TAC1: variants seen among roughly 807,000 people sequenced by gnomAD.
TAC1 encodes the protein tachykinin precursor 1.
A neutral mutation model predicts 21.7 loss-of-function variants in TAC1; 12 were observed. That is an observed-to-expected ratio of 0.55 (90% CI 0.35 to 0.89). The LOEUF is 0.89. TAC1 is among the 40% of genes least tolerant of loss of function. The pLI, the probability that TAC1 is intolerant of heterozygous loss-of-function variation, is 0.01. For synonymous variants in TAC1, 52 were observed against 52.0 expected (o/e 1.00, Z 0.00); for missense variants, 128 against 151.4 (o/e 0.85, Z 0.81).
chr7:97,738,027 CAT>C (rs887134087), intron 6 of TAC1, among the ~76,000 whole-genome samples: 182 of 151,938 alleles, frequency 1.2e-3, no homozygotes, highest in African/African-American at 4.2e-3. Context: ...AAAATAATAA[CAT>C]AATTTTAAGT....
At position 97,732,489 on chromosome 7, in the gene TAC1, ATC is replaced by A. The variant is rs1789457616; in HGVS notation, c.-9-113_-9-112del. The A allele has an allele frequency of 4.8e-6, 6 of 1,245,198 alleles. No homozygotes were observed. The highest frequency in any genetic ancestry group is 6.8e-6 in the Non-Finnish European group (6 of 881,468). The allele number at this position is 1,245,198 out of a possible 1,614,324, so 77.1% of individuals were successfully genotyped here. A position where few individuals can be genotyped will look rare whatever the true frequency, so the allele number is the denominator to read the frequency against. ...TGAGACTTCAGTCCTTATGTTTTTG[ATC>A]TTGGTTCATCCGTTGTGGGGCAGAA... On this transcript the variant is annotated intron_variant, in intron 1 of 6. Coordinates refer to ENST00000319273, the MANE Select transcript of TAC1 (RefSeq NM_003182.3). The surrounding 1 kb of genome is among the most constrained non-coding windows in gnomAD (Gnocchi z 6.2).
At chr7:97,734,401 T>A in intron 4 of TAC1, 109 bp downstream of exon 4, 1 of 945,358 alleles carries the variant, frequency 1.1e-6, no homozygotes, top group South Asian at 1.5e-5. Context: ...GCCTGTTTAA[T>A]AAAGAGATGG....
chr7:97,736,114 T>C (rs1789569627), intron 5 of TAC1, among the ~76,000 whole-genome samples, 185 bp from the exon 6 acceptor site: 1 of 152,052 alleles, frequency 6.6e-6, no homozygotes, highest in East Asian at 1.9e-4. Flanking sequence ...GTGGTTTCAT[T>C]GTATTGTTTT....
chr7:97,734,845 C>T lies in TAC1; in HGVS notation c.285C>T (p.His95=), dbSNP rs1789546722. The T allele has an allele frequency of 1.3e-6, 2 of 1,592,746 alleles. No individual in the cohort carries two copies. Among genetic ancestry groups the T allele is most frequent in the Non-Finnish European group, 1.7e-6 (2 of 1,164,360 alleles). The change falls in exon 5 of 7, where the codon CAC becomes CAT. Residue 95 remains histidine, a synonymous_variant. Transcript: ENST00000319273. ...TTCTAGGACATGGCCAGATCTCTCA[C>T]AAAAGTAAGTTCAAAATTATTTTGA... ...KALYGHGQIS[H]KRHKTDSFVG... is the part of the protein sequence containing the mutation.
chr7:97,739,366 C>CT (rs1243066010), intron 6 of TAC1, among the ~76,000 whole-genome samples: 1 of 151,952 alleles, frequency 6.6e-6, no homozygotes, highest in Non-Finnish European at 1.5e-5. Context: ...CTACCCAAAT[C>CT]TGTTATTTTA....
At position 97,732,785 on chromosome 7, in the gene TAC1, G is replaced by C; in HGVS notation, c.123+50G>C. On this transcript the variant is annotated intron_variant, in intron 2 of 6. Coordinates refer to ENST00000319273, the MANE Select transcript of TAC1 (RefSeq NM_003182.3). The surrounding 1 kb of genome is among the most constrained non-coding windows in gnomAD (Gnocchi z 6.2). ...CGCACCCTTCTTCCTGGGCTCGGGAGCTGTCACCTTCCCACGCAACAGCAC... is the reference window on the plus strand; with the variant it reads ...CGCACCCTTCTTCCTGGGCTCGGGACCTGTCACCTTCCCACGCAACAGCAC... 6.3e-7 allele frequency: 1 copy of C among 1,588,476 alleles called. No homozygotes were observed.
At chr7:97,734,882 T>C (rs764590372) in intron 5 of TAC1, 33 bp downstream of exon 5, 1 of 1,504,802 alleles carries the variant, frequency 6.6e-7, no homozygotes, top group Non-Finnish European at 9.2e-7. Flanking sequence ...ATTTATCAAA[T>C]TTAAATGTAA....
In TAC1 at chr7:97,732,744, C is replaced by G. The variant is rs202015230; in HGVS notation, c.123+9C>G. On this transcript the variant is annotated intron_variant, in intron 2 of 6. Coordinates refer to ENST00000319273, the MANE Select transcript of TAC1 (RefSeq NM_003182.3). This position sits in a 1 kb window ranked among gnomAD's most constrained non-coding sequence, Gnocchi z 6.2. Reference sequence around the variant, plus strand: ...ACAGCGACCAGATCAAGGTGAGGCCCCTTCCCAGGACGGCCCGCACCCTTC... The same window carrying G: ...ACAGCGACCAGATCAAGGTGAGGCCGCTTCCCAGGACGGCCCGCACCCTTC... 40 of 1,612,756 alleles carry G rather than the reference C, an allele frequency of 2.5e-5. No homozygotes were observed. Among genetic ancestry groups the G allele is most frequent in the Non-Finnish European group, 3.4e-5 (40 of 1,179,632 alleles).
At chr7:97,737,452 A>G (rs571177192) in intron 6 of TAC1, among the ~76,000 whole-genome samples, 4 of 151,908 alleles carry the variant, frequency 2.6e-5, no homozygotes, top group Non-Finnish European at 5.9e-5. Flanking sequence ...ACTTGGGTAC[A>G]TTAAATAAAA....
chr7:97,736,637 T>C (rs896699773), intron 6 of TAC1, among the ~76,000 whole-genome samples: 5 of 152,068 alleles, frequency 3.3e-5, no homozygotes, highest in Non-Finnish European at 7.4e-5. Flanking sequence ...TTCTTTCCTA[T>C]AGATCTGTTA....
At chr7:97,733,671 T>A in intron 2 of TAC1, 52 bp from the exon 3 acceptor site, 1 of 1,579,614 alleles carries the variant, frequency 6.3e-7, no homozygotes, top group Non-Finnish European at 8.7e-7. Context: ...GGTTGCTGGG[T>A]GCCTCGCTCT....
intron 6 of TAC1, among the ~76,000 whole-genome samples, 185 bp from the exon 7 acceptor site, chr7:97,739,689 T>A (rs1168158976): frequency 6.6e-6 from 1 of 152,044 alleles, no homozygotes; most frequent in African/African-American, 2.4e-5. Context: ...GGTTAGATCA[T>A]TTCCAATCAG....
rs1171630760 is a variant in TAC1 at position 97,732,364 on chromosome 7, GGT to G, written c.-10+173_-10+174del. Reference sequence around the variant, plus strand: ...CACCTGCAGAGTTTCCTGGTTTGAAGGTGTGGGTTGGTGGGTTAGGGGGCTGG... The same window carrying G: ...CACCTGCAGAGTTTCCTGGTTTGAAGGTGGGTTGGTGGGTTAGGGGGCTGG... On this transcript the variant is annotated intron_variant, in intron 1 of 6. Coordinates refer to ENST00000319273, the MANE Select transcript of TAC1 (RefSeq NM_003182.3). The surrounding 1 kb of genome is among the most constrained non-coding windows in gnomAD (Gnocchi z 6.2). 1.3e-5 allele frequency among the ~76,000 whole-genome samples: 2 copies of G among 152,196 alleles called. No individual in the cohort carries two copies. The highest frequency in any genetic ancestry group is 3.9e-4 in the East Asian group (2 of 5,180).
In TAC1 at chr7:97,734,228, G is replaced by A. The variant is rs774406167; in HGVS notation, c.221-20G>A. 76 of 1,613,168 alleles carry A rather than the reference G, an allele frequency of 4.7e-5. No individual in the cohort carries two copies. The highest frequency in any genetic ancestry group is 6.4e-5 in the Non-Finnish European group (76 of 1,179,350). On this transcript the variant is annotated intron_variant, in intron 3 of 6. Coordinates refer to ENST00000319273, the MANE Select transcript of TAC1 (RefSeq NM_003182.3). ...ACGGTCAGTGGAACATGTAGTTAAT[G>A]ACAATTCGTCTCTTGTCAGATTCCT...
chr7:97,738,119 A>C (rs1196892382), intron 6 of TAC1, among the ~76,000 whole-genome samples: 1 of 151,998 alleles, frequency 6.6e-6, no homozygotes, highest in Non-Finnish European at 1.5e-5. Context: ...AGGAAATATA[A>C]ATAGGTGAAA....
rs575787460 is a variant in TAC1 at position 97,737,414 on chromosome 7, G to A, written c.343+1062G>A. Among the ~76,000 whole-genome samples the A allele has an allele frequency of 2.0e-5, 3 of 151,832 alleles. 1 individual carries two copies. The highest frequency in any genetic ancestry group is 7.2e-5 in the African/African-American group (3 of 41,454). On this transcript the variant is annotated intron_variant, in intron 6 of 6. Coordinates refer to ENST00000319273, the MANE Select transcript of TAC1 (RefSeq NM_003182.3). The stretch of plus-strand genomic sequence containing the variant: ...AATTATCCTAGTGTTTTTTAATGGA[G>A]ATTTTTTTCTTTATTGTGAAATGTA...
intron 2 of TAC1, among the ~76,000 whole-genome samples, chr7:97,733,466 C>A (rs1789481512): frequency 6.6e-6 from 1 of 151,962 alleles, no homozygotes; most frequent in African/African-American, 2.4e-5. Context: ...GAGGAAAGAG[C>A]GGAAAGCGCT....
chr7:97,734,451 C>T (rs753417176), intron 4 of TAC1, among the ~76,000 whole-genome samples, 159 bp downstream of exon 4: 1 of 151,732 alleles, frequency 6.6e-6, no homozygotes, highest in Non-Finnish European at 1.5e-5. Context: ...CTCTCTGTCA[C>T]TCTCTCTGTC....
chr7:97,735,266 A>G (rs1789554297), intron 5 of TAC1, among the ~76,000 whole-genome samples: 1 of 152,158 alleles, frequency 6.6e-6, no homozygotes, highest in Admixed American at 6.5e-5. Flanking sequence ...TGGTCCAATA[A>G]TGATGTCATT....
Sources: gnomAD v4.1 joint callset for allele counts (sites outside exome capture counted in the v4.1 genomes callset) on GRCh38, gnomAD v4.1.1 for gene constraint, Gnocchi (gnomAD v3.1) non-coding constraint, MANE v1.5 for transcripts, NCBI Gene and HGNC (gene_info 2026-07-23, HGNC 2026-07-21) for gene names.